NKIRAS2: variants seen among roughly 807,000 people sequenced by gnomAD.
The protein encoded by NKIRAS2 is NFKB inhibitor interacting Ras like 2.
A neutral mutation model predicts 20.7 loss-of-function variants in NKIRAS2; 15 were observed. The ratio of observed to expected loss-of-function variants is 0.73; its 90% CI spans 0.49 to 1.12. NKIRAS2 has a LOEUF of 1.12. Among genes scored for constraint, NKIRAS2 ranks in the 50% most tolerant of loss-of-function variants. NKIRAS2 has a pLI of 0.00. For missense variants in NKIRAS2, 196 were observed against 249.6 expected, an observed-to-expected ratio of 0.79 and a Z score of 1.45; for synonymous variants, 116 against 101.4, an observed-to-expected ratio of 1.14 and a Z score of -0.87.
Position 42,023,704 on chromosome 17 carries a change from T to C in NKIRAS2, c.387T>C (p.Arg129=). ...AGTGTGACTTACAGGAGCAGCGGCGTGTAGACCCAGATGTGGCTCAGCACT... is the reference window on the plus strand; with the variant it reads ...AGTGTGACTTACAGGAGCAGCGGCGCGTAGACCCAGATGTGGCTCAGCACT... The part of the protein sequence containing the change: ...GNKCDLQEQR[R]VDPDVAQHWA... The change falls in exon 4 of 4, where the codon CGT becomes CGC. Residue 129 remains arginine (R), a synonymous_variant. Coordinates refer to ENST00000393885, the MANE Select transcript of NKIRAS2 (RefSeq NM_017595.6). 1 of 1,614,116 alleles carries C rather than the reference T, an allele frequency of 6.2e-7. No homozygotes were observed.
At chr17:42,019,278 C>T (rs139126403), upstream of NKIRAS2, among the ~76,000 whole-genome samples, 44 of 152,042 alleles carry the variant, frequency 2.9e-4, no homozygotes, top group African/African-American at 1.0e-3. Context: ...GTCTCAAAAA[C>T]GGCAACAACA....
intron 1 of NKIRAS2, chr17:42,021,333 T>A (rs1295619661): frequency 4.2e-6 from 2 of 480,770 alleles, no homozygotes; most frequent in Non-Finnish European, 7.6e-6. Flanking sequence ...CATCCAGTAG[T>A]AGACATGGAG....
upstream of NKIRAS2, chr17:42,017,682 A>G (rs532880532): frequency 5.2e-6 from 3 of 573,658 alleles, no homozygotes; most frequent in East Asian, 8.9e-5. Context: ...TACCGGTGGT[A>G]GCCTCTCTAG....
chr17:42,018,927 A>G (rs1173430287), upstream of NKIRAS2, among the ~76,000 whole-genome samples: 1 of 152,166 alleles, frequency 6.6e-6, no homozygotes, highest in Non-Finnish European at 1.5e-5. Context: ...CCACACCTCA[A>G]CAACAGAAAA....
chr17:42,022,284 GCCT>G (rs1555653206), intron 2 of NKIRAS2, 112 bp from the exon 3 acceptor site: 4 of 1,063,784 alleles, frequency 3.8e-6, no homozygotes, highest in Non-Finnish European at 5.4e-6. Context: ...CAATTCTCTG[GCCT>G]CCTCAGCCCC....
rs35042843 is a variant in NKIRAS2, at chr17:42,021,445, G to A, written c.-14-119G>A. ...CAGTTTAGAACTCTCAGTTATGGAC[G>A]TTCTGCCTTCTGTTTTTTTGGTTTT... On this transcript the variant is annotated intron_variant, in intron 1 of 3. Transcript: ENST00000393885. The A allele has an allele frequency of 2.2e-5, 17 of 764,932 alleles. No individual in the cohort carries two copies. In the African/African-American group the frequency reaches 2.2e-4, roughly 10 times the overall value. The allele number at this position is 764,932 out of a possible 1,614,324, so 47.4% of individuals were successfully genotyped here.
Position 42,024,022 on chromosome 17 carries a change from G to T in NKIRAS2, c.*129G>T. On this transcript the variant is annotated 3_prime_UTR_variant, in exon 4 of 4. Transcript: ENST00000393885. ...GCCAGGGAGCTCCCCGCCAGGCCAC[G>T]CCCCAGCCACTTTGCTCCCTCTCAC... 3 of 1,418,872 alleles carry T rather than the reference G, an allele frequency of 2.1e-6. No individual in the cohort carries two copies. The highest frequency in any genetic ancestry group is 1.9e-6 in the Non-Finnish European group (2 of 1,072,198). 87.9% of individuals were successfully genotyped at this position (1,418,872 alleles called of 1,614,324 possible). A position where few individuals can be genotyped will look rare whatever the true frequency, so the allele number is the denominator to read the frequency against.
At chr17:42,021,537 T>G (rs1555652966) in intron 1 of NKIRAS2, 27 bp from the exon 2 acceptor site, 13 of 1,586,412 alleles carry the variant, frequency 8.2e-6, no homozygotes, top group Middle Eastern at 1.7e-4. Context: ...TTTCCTCACC[T>G]TACCCAGCGT....
chr17:42,022,273 T>G, intron 2 of NKIRAS2, 126 bp from the exon 3 acceptor site: 1 of 945,638 alleles, frequency 1.1e-6, no homozygotes, highest in Non-Finnish European at 1.6e-6. Context: ...TGCCAGGCTG[T>G]CAATTCTCTG....
intron 3 of NKIRAS2, 135 bp from the exon 4 acceptor site, chr17:42,023,519 A>T (rs34627459): frequency 2.6e-6 from 2 of 781,668 alleles, no homozygotes; most frequent in East Asian, 2.5e-5. Context: ...AATGAGTGGT[A>T]TGGAATCTAG....
intron 2 of NKIRAS2, 76 bp downstream of exon 2, chr17:42,021,747 A>G (rs111637672): frequency 7.4e-7 from 1 of 1,354,186 alleles, no homozygotes; most frequent in Non-Finnish European, 1.1e-6. Context: ...CAACACACAC[A>G]GGCTAAAAGC....
At position 42,022,795 on chromosome 17, in the gene NKIRAS2, G is replaced by A. The variant is rs2143446469; in HGVS notation, c.336+155G>A. On this transcript the variant is annotated intron_variant, in intron 3 of 3. Coordinates refer to ENST00000393885, the MANE Select transcript of NKIRAS2 (RefSeq NM_017595.6). ...CCACTGAGGGTATCTTTACCCTCAG[G>A]ATTGGCTGCATGTTGAGTCTGCTCA... is the stretch of plus-strand genomic sequence containing the variant. Among the ~76,000 whole-genome samples the A allele has an allele frequency of 1.3e-5, 2 of 152,212 alleles. 1 individual carries two copies. Among genetic ancestry groups the A allele is most frequent in the South Asian group, 4.1e-4 (2 of 4,820 alleles).
intron 3 of NKIRAS2, 149 bp downstream of exon 3, chr17:42,022,789 C>T: frequency 1.0e-6 from 1 of 970,516 alleles, no homozygotes; most frequent in Admixed American, 2.6e-5. Flanking sequence ...GTATCTTTAC[C>T]CTCAGGATTG....
intron 3 of NKIRAS2, chr17:42,023,197 TC>T: frequency 4.1e-6 from 1 of 244,954 alleles, no homozygotes; most frequent in Non-Finnish European, 8.5e-6. Flanking sequence ...TGGGGTTTTG[TC>T]ATGTTGCTCA....
At chr17:42,023,129 GCTA>G in intron 3 of NKIRAS2, 1 of 320,106 alleles carries the variant, frequency 3.1e-6, no homozygotes, top group Non-Finnish European at 6.4e-6. Flanking sequence ...TCAGCCCCCT[GCTA>G]AGACTACAGG....
Position 42,022,722 on chromosome 17 carries a change from T to C in NKIRAS2, c.336+82T>C. On this transcript the variant is annotated intron_variant, in intron 3 of 3. Coordinates refer to ENST00000393885, the MANE Select transcript of NKIRAS2 (RefSeq NM_017595.6). ...GCTGGTTTGGGAAGCCTGGCATGGC[T>C]CCATTCTTCACTCCAAGGTGAGTTA... is the stretch of plus-strand genomic sequence containing the variant. The C allele has an allele frequency of 3.3e-6, 5 of 1,512,682 alleles. No homozygotes were observed. In the East Asian group the frequency reaches 1.1e-4, roughly 34 times the overall value. 93.7% of individuals were successfully genotyped at this position (1,512,682 alleles called of 1,614,324 possible).
upstream of NKIRAS2, among the ~76,000 whole-genome samples, chr17:42,018,790 A>G (rs2052374080): frequency 6.6e-6 from 1 of 152,156 alleles, no homozygotes; most frequent in Admixed American, 6.5e-5. Context: ...TCAACTTTTC[A>G]TATCTCCAAC....
chr17:42,020,990 C>T, intron 1 of NKIRAS2: 1 of 154,058 alleles, frequency 6.5e-6, no homozygotes, highest in Non-Finnish European at 1.4e-5. Context: ...CCACCTCGGC[C>T]TCCCGAAGTG....
chr17:42,022,755 G>C, intron 3 of NKIRAS2, 115 bp downstream of exon 3: 2 of 1,333,308 alleles, frequency 1.5e-6, no homozygotes, highest in Non-Finnish European at 2.0e-6. Flanking sequence ...TTAGGAGCCA[G>C]AGGTGGGGTG....
Sources: allele counts gnomAD v4.1 joint callset (sites outside exome capture counted in the v4.1 genomes callset), GRCh38; gene constraint gnomAD v4.1.1; transcripts MANE v1.5; gene names NCBI Gene and HGNC (gene_info 2026-07-23, HGNC 2026-07-21).